Variants in RNF19A observed in about 807,000 individuals in gnomAD.
The protein encoded by RNF19A is E3 ubiquitin-protein ligase RNF19A.
A neutral mutation model predicts 75.7 loss-of-function variants in RNF19A; 32 were observed. The observed-to-expected ratio is 0.42, with a 90% CI of 0.32 to 0.57. RNF19A has a LOEUF of 0.57. Among genes scored for constraint, RNF19A ranks in the 20% least tolerant of loss-of-function variants. The pLI is 0.10. For synonymous variants in RNF19A, 335 were observed against 345.2 expected, an observed-to-expected ratio of 0.97 and a Z score of 0.33; for missense variants, 782 against 1,036.3, an observed-to-expected ratio of 0.75 and a Z score of 3.37.
chr8:100,327,619 C>A (rs62515000), intron 1 of RNF19A, among the ~76,000 whole-genome samples: 14,303 of 152,236 alleles, frequency 0.094, 861 homozygotes, highest in Non-Finnish European at 0.14. Context: ...GTGATGTCAT[C>A]CATGACTTTA....
At chr8:100,311,290 G>A (rs757968144), upstream of RNF19A, among the ~76,000 whole-genome samples, 1 of 152,184 alleles carries the variant, frequency 6.6e-6, no homozygotes, top group African/African-American at 2.4e-5. Context: ...TCATTTATGG[G>A]AAGTTTTAAA....
chr8:100,285,485 A>G (rs568128639), intron 2 of RNF19A, among the ~76,000 whole-genome samples: 156 of 152,326 alleles, frequency 1.0e-3, no homozygotes, highest in Non-Finnish European at 1.9e-3. Flanking sequence ...TATTAACTAT[A>G]TATTATGATG....
At position 100,329,361 on chromosome 8, in the gene RNF19A, A is replaced by G. The variant is rs902953331; in HGVS notation, c.-243+6747T>C. On this transcript the variant is annotated intron_variant, in intron 1 of 3. Transcript: ENST00000519527. This position sits in a 1 kb window ranked among gnomAD's most constrained non-coding sequence, Gnocchi z 4.3. ...CTGACTTGGCAGCCATTCATGAGGG[A>G]AAAAAAAAAGACTTGGGATTTTAAT... Among the ~76,000 whole-genome samples, 6 of 149,746 alleles carry G rather than the reference A, an allele frequency of 4.0e-5. No individual in the cohort carries two copies. Among genetic ancestry groups the G allele is most frequent in the African/African-American group, 1.2e-4 (5 of 40,710 alleles).
intron 1 of RNF19A, among the ~76,000 whole-genome samples, chr8:100,326,842 G>A (rs962299588): frequency 2.6e-5 from 4 of 152,218 alleles, no homozygotes; most frequent in Admixed American, 6.5e-5. Context: ...AAGAAGTGCT[G>A]AGCATATTTG....
At chr8:100,283,181 T>C (rs1488625879) in intron 2 of RNF19A, among the ~76,000 whole-genome samples, 2 of 130,522 alleles carry the variant, frequency 1.5e-5, no homozygotes, top group Non-Finnish European at 3.3e-5. Flanking sequence ...AGAACTCACA[T>C]GGGATGACAG....
chr8:100,260,043 A>T lies in RNF19A; in HGVS notation c.1683-46T>A. ...CACCAAAATTATATTTAATATCAGC[A>T]CTACTGTAATATGTATCTTTAAATA... On this transcript the variant is annotated intron_variant, in intron 8 of 9. Coordinates refer to ENST00000341084, the MANE Select transcript of RNF19A (RefSeq NM_183419.4). The surrounding 1 kb of genome is among the most constrained non-coding windows in gnomAD (Gnocchi z 4.1). 1 of 1,516,586 alleles carries T rather than the reference A, an allele frequency of 6.6e-7. No homozygotes were observed. The highest frequency in any genetic ancestry group is 9.1e-7 in the Non-Finnish European group (1 of 1,094,168). The allele number at this position is 1,516,586 out of a possible 1,614,324, so 93.9% of individuals were successfully genotyped here.
At chr8:100,295,887 T>C (rs1455812116) in intron 1 of RNF19A, among the ~76,000 whole-genome samples, 1 of 152,212 alleles carries the variant, frequency 6.6e-6, no homozygotes, top group African/African-American at 2.4e-5. Flanking sequence ...TCACTGAAGT[T>C]CATTATAATA....
At chr8:100,277,666 A>C (rs1586627396) in intron 2 of RNF19A, among the ~76,000 whole-genome samples, 1 of 152,228 alleles carries the variant, frequency 6.6e-6, no homozygotes, top group East Asian at 1.9e-4. Context: ...ATGTTCAAAC[A>C]GGACTGAATT....
intron 2 of RNF19A, among the ~76,000 whole-genome samples, chr8:100,282,374 G>C (rs1481829507): frequency 6.6e-6 from 1 of 152,084 alleles, no homozygotes; most frequent in African/African-American, 2.4e-5. Context: ...AGAAGACATA[G>C]AAAATGTGAT....
Position 100,258,520 on chromosome 8 carries a change from T to C in RNF19A, c.*36A>G. On this transcript the variant is annotated 3_prime_UTR_variant, in exon 10 of 10. Coordinates refer to ENST00000341084, the MANE Select transcript of RNF19A (RefSeq NM_183419.4). This position sits in a 1 kb window ranked among gnomAD's most constrained non-coding sequence, Gnocchi z 4.3. ...GTAGTTCAACCAGCTCCAAACACGG[T>C]TGTACAGTGGTAATTATTCTGCAGC... 2 of 1,531,976 alleles carry C rather than the reference T, an allele frequency of 1.3e-6. No individual in the cohort carries two copies. The highest frequency in any genetic ancestry group is 1.2e-5 in the South Asian group (1 of 80,442). 94.9% of individuals were successfully genotyped at this position (1,531,976 alleles called of 1,614,324 possible).
chr8:100,309,208 G>T, intron 1 of RNF19A: 1 of 624,890 alleles, frequency 1.6e-6, no homozygotes, highest in South Asian at 7.0e-5. Context: ...GAAGACCCCC[G>T]TTAACACATA....
Position 100,333,308 on chromosome 8 carries a change from A to G in RNF19A, c.-243+2800T>C, listed in dbSNP as rs962117779. Among the ~76,000 whole-genome samples, 4 of 152,242 alleles carry G rather than the reference A, an allele frequency of 2.6e-5. No individual in the cohort carries two copies. The highest frequency in any genetic ancestry group is 4.8e-5 in the African/African-American group (2 of 41,470). On this transcript the variant is annotated intron_variant, in intron 1 of 3. Transcript: ENST00000519527. The surrounding 1 kb of genome is among the most constrained non-coding windows in gnomAD (Gnocchi z 4.7). ...GCCAAATACACTTCTATTGTTTAAC[A>G]ATTACCCAGTCTGAGGTATTATATT...
chr8:100,301,412 G>A (rs571364430), intron 1 of RNF19A, among the ~76,000 whole-genome samples: 62 of 152,102 alleles, frequency 4.1e-4, no homozygotes, highest in Non-Finnish European at 7.8e-4. Flanking sequence ...TGGTTTCCCC[G>A]AGATGAAGAA....
In RNF19A at chr8:100,331,632, C is replaced by CAAACA. The variant is rs1822611847; in HGVS notation, c.-243+4471_-243+4475dup. Among the ~76,000 whole-genome samples the CAAACA allele has an allele frequency of 6.6e-6, 1 of 152,140 alleles. No homozygotes were observed. Among genetic ancestry groups the CAAACA allele is most frequent in the East Asian group, 1.9e-4 (1 of 5,176 alleles). On this transcript the variant is annotated intron_variant, in intron 1 of 3. Coordinates refer to the RNF19A transcript ENST00000519527. This position sits in a 1 kb window ranked among gnomAD's most constrained non-coding sequence, Gnocchi z 5.2. Reference sequence around the variant, plus strand: ...AGCCTGGGTAACAGAGAGAGACAAACAAACAAAACAAAACAAAAACCAGAT... The same window carrying CAAACA: ...AGCCTGGGTAACAGAGAGAGACAAACAAACAAAACAAAACAAAACAAAAACCAGAT...
At chr8:100,273,960 T>A (rs1451820873) in intron 3 of RNF19A, among the ~76,000 whole-genome samples, 1 of 152,060 alleles carries the variant, frequency 6.6e-6, no homozygotes, top group Non-Finnish European at 1.5e-5. Flanking sequence ...TTTTTGTATT[T>A]TTTTAGTGGA....
rs767979637 is a variant in RNF19A at position 100,258,980 on chromosome 8, A to G, written c.2093T>C (p.Leu698Ser). Reference sequence around the variant, plus strand: ...ACTTGAGTTCGTGCTTTGTTGTTCTAACAACTGTGCATCCATGTCCTCTCT... The same window carrying G: ...ACTTGAGTTCGTGCTTTGTTGTTCTGACAACTGTGCATCCATGTCCTCTCT... ...ETREDMDAQL[L>S]EQQSTNSSEF... Residue 698 changes from leucine to serine, a missense_variant, in exon 10 of 10, where the codon TTA (leucine) becomes TCA (serine). By Grantham distance (145) the Leu-to-Ser change is moderately radical. Around this residue, in one of 7 missense-constraint regions of RNF19A, gnomAD observed 442 missense variants for 541.6 expected, o/e 0.82. Transcript: ENST00000341084. The surrounding 1 kb of genome is among the most constrained non-coding windows in gnomAD (Gnocchi z 4.3). 45 of 1,614,206 alleles carry G rather than the reference A, an allele frequency of 2.8e-5. No individual in the cohort carries two copies. In the East Asian group the frequency reaches 1.0e-3, roughly 36 times the overall value.
chr8:100,271,895 G>T (rs1207587542), intron 3 of RNF19A, among the ~76,000 whole-genome samples: 7 of 152,008 alleles, frequency 4.6e-5, no homozygotes, highest in Non-Finnish European at 1.0e-4. Flanking sequence ...CATTCCCCAA[G>T]AATCAATTAA....
intron 1 of RNF19A, chr8:100,303,531 C>T (rs150162337): frequency 3.5e-4 from 54 of 152,174 alleles, no homozygotes; most frequent in African/African-American, 1.1e-3. Flanking sequence ...GGTTACCATG[C>T]AACACACTAA....
intron 3 of RNF19A, among the ~76,000 whole-genome samples, chr8:100,270,453 CAGG>C (rs1820202099): frequency 6.6e-6 from 1 of 152,042 alleles, no homozygotes; most frequent in African/African-American, 2.4e-5. Context: ...TGAACACTAA[CAGG>C]AGGTGACAAT....
Sources: allele counts gnomAD v4.1 joint callset (sites outside exome capture counted in the v4.1 genomes callset), GRCh38; gene constraint gnomAD v4.1.1; regional missense constraint gnomAD v4.1.1; non-coding constraint Gnocchi (gnomAD v3.1); transcripts MANE v1.5; gene names NCBI Gene and HGNC (gene_info 2026-07-23, HGNC 2026-07-21).